MTUS2: variants seen among roughly 807,000 people sequenced by gnomAD.
MTUS2 encodes microtubule-associated tumor suppressor candidate 2.
Under a neutral mutation model 114.1 loss-of-function variants are expected in MTUS2, and 40 were observed. The ratio of observed to expected loss-of-function variants is 0.35; its 90% CI spans 0.27 to 0.46. The LOEUF (loss-of-function observed/expected upper bound fraction) is 0.46. Ranked by LOEUF, MTUS2 falls within the 20% of genes least tolerant of loss-of-function variation. MTUS2 has a pLI of 1.00. For synonymous variants in MTUS2, 688 were observed against 672.0 expected (o/e 1.02, Z -0.37); for missense variants, 1,679 against 1,705.4 (o/e 0.98, Z 0.27).
At chr13:29,013,384 G>A (rs1260513537) in intron 2 of MTUS2, among the ~76,000 whole-genome samples, 1 of 152,052 alleles carries the variant, frequency 6.6e-6, no homozygotes, top group Non-Finnish European at 1.5e-5. Flanking sequence ...AGCTGCCAGT[G>A]TTTTAAACTA....
intron 2 of MTUS2, among the ~76,000 whole-genome samples, chr13:29,002,897 G>T (rs970134271): frequency 6.6e-6 from 1 of 152,192 alleles, no homozygotes; most frequent in East Asian, 1.9e-4. Context: ...TAGTTCCCCA[G>T]TGATGCTAGG....
chr13:29,467,287 A>C (rs763043121), intron 9 of MTUS2, among the ~76,000 whole-genome samples: 2 of 152,240 alleles, frequency 1.3e-5, no homozygotes, highest in Non-Finnish European at 2.9e-5. Context: ...GATGTTCAAC[A>C]TGGAGATGAT....
At chr13:29,494,370 C>T (rs1882390315) in intron 12 of MTUS2, among the ~76,000 whole-genome samples, 1 of 152,226 alleles carries the variant, frequency 6.6e-6, no homozygotes, top group Non-Finnish European at 1.5e-5. Context: ...GTTGCAATAG[C>T]ACACTCTGTC....
chr13:29,191,314 T>TA (rs1031582495), intron 5 of MTUS2, among the ~76,000 whole-genome samples: 6 of 151,824 alleles, frequency 4.0e-5, no homozygotes, highest in Non-Finnish European at 7.4e-5. Flanking sequence ...TACCATTTTT[T>TA]TATATATATA....
chr13:28,833,886 C>T (rs1406877817), intron 1 of MTUS2, among the ~76,000 whole-genome samples: 1 of 151,952 alleles, frequency 6.6e-6, no homozygotes, highest in African/African-American at 2.4e-5. Flanking sequence ...TTTCTCTGCA[C>T]TTACAATTAA....
intron 2 of MTUS2, among the ~76,000 whole-genome samples, chr13:28,911,900 T>C (rs966246505): frequency 6.6e-6 from 1 of 150,754 alleles, no homozygotes; most frequent in South Asian, 2.1e-4. Flanking sequence ...CCCTGGGTAG[T>C]AGACCTTTGC....
intron 2 of MTUS2, among the ~76,000 whole-genome samples, chr13:28,939,559 A>AT (rs1192931839): frequency 6.6e-6 from 1 of 152,226 alleles, no homozygotes; most frequent in Non-Finnish European, 1.5e-5. Context: ...GCTACATAAA[A>AT]TTGAGTGTTT....
chr13:28,941,095 T>C (rs1269482438), intron 2 of MTUS2, among the ~76,000 whole-genome samples: 1 of 152,056 alleles, frequency 6.6e-6, no homozygotes, highest in Non-Finnish European at 1.5e-5. Context: ...AAATCATAGT[T>C]GTAGATCTTA....
intron 5 of MTUS2, among the ~76,000 whole-genome samples, chr13:29,266,511 A>G (rs745822879): frequency 5.9e-5 from 9 of 152,172 alleles, no homozygotes; most frequent in Non-Finnish European, 1.2e-4. Flanking sequence ...TTTGGCAGAA[A>G]TTATCCCCCC....
At chr13:28,878,994 G>A (rs974235186) in intron 2 of MTUS2, among the ~76,000 whole-genome samples, 1 of 152,110 alleles carries the variant, frequency 6.6e-6, no homozygotes, top group African/African-American at 2.4e-5. Context: ...AGCATCTGTT[G>A]TTTCTTGACT....
chr13:29,250,850 C>T lies in MTUS2; in HGVS notation c.2645-30854C>T, dbSNP rs559613001. Among the ~76,000 whole-genome samples, 19 of 152,120 alleles carry T rather than the reference C, an allele frequency of 1.2e-4. No individual in the cohort carries two copies. In the South Asian group the frequency reaches 2.7e-3, roughly 22 times the overall value. ...CGTAAATTTCAATTTAACACCAACC[C>T]GCAAAAAACAATAATCTTCAGTGCT... On this transcript the variant is annotated intron_variant, in intron 5 of 15. Coordinates refer to ENST00000612955, the MANE Select transcript of MTUS2 (RefSeq NM_001033602.4).
chr13:28,939,295 C>T (rs955192227), intron 2 of MTUS2, among the ~76,000 whole-genome samples: 1 of 152,086 alleles, frequency 6.6e-6, no homozygotes, highest in Non-Finnish European at 1.5e-5. Flanking sequence ...CACTGCAGAA[C>T]GTTTTTAGTG....
intron 6 of MTUS2, among the ~76,000 whole-genome samples, chr13:29,297,876 TAC>T (rs71190801): frequency 2.0e-5 from 3 of 151,354 alleles, no homozygotes; most frequent in African/African-American, 7.3e-5. Context: ...TGTACACACA[TAC>T]ACACACACAC....
intron 5 of MTUS2, among the ~76,000 whole-genome samples, chr13:29,134,219 A>G (rs1228410190): frequency 6.6e-6 from 1 of 151,968 alleles, no homozygotes. Flanking sequence ...ACTGATTTCT[A>G]ATGTCGTCTG....
intron 8 of MTUS2, among the ~76,000 whole-genome samples, chr13:29,390,524 G>A (rs947817093): frequency 2.0e-5 from 3 of 151,230 alleles, no homozygotes; most frequent in African/African-American, 4.9e-5. Flanking sequence ...ATGGTGGCAC[G>A]TGCCTATTAT....
intron 5 of MTUS2, among the ~76,000 whole-genome samples, chr13:29,179,438 G>T (rs893513042): frequency 6.6e-6 from 1 of 152,182 alleles, no homozygotes; most frequent in East Asian, 1.9e-4. Context: ...AGGTTTCGAG[G>T]ACAATGCCAT....
At chr13:28,961,532 A>G (rs963365007) in intron 2 of MTUS2, among the ~76,000 whole-genome samples, 1 of 152,138 alleles carries the variant, frequency 6.6e-6, no homozygotes, top group Non-Finnish European at 1.5e-5. Context: ...CCTTCCCACC[A>G]TTTGGCTACA....
chr13:28,961,496 C>T (rs140559019), intron 2 of MTUS2, among the ~76,000 whole-genome samples: 18 of 152,186 alleles, frequency 1.2e-4, no homozygotes, highest in African/African-American at 3.9e-4. Context: ...TATTGTACTC[C>T]GTTATAATTA....
intron 6 of MTUS2, among the ~76,000 whole-genome samples, chr13:29,303,243 T>A (rs1034021875): frequency 6.6e-6 from 1 of 152,188 alleles, no homozygotes; most frequent in African/African-American, 2.4e-5. Flanking sequence ...CCAGAGTGCC[T>A]CTTCTCCAAA....
Sources: allele counts gnomAD v4.1 joint callset (sites outside exome capture counted in the v4.1 genomes callset), GRCh38; gene constraint gnomAD v4.1.1; transcripts MANE v1.5; gene names NCBI Gene and HGNC (gene_info 2026-07-23, HGNC 2026-07-21).